VAV1: variants seen among roughly 807,000 people sequenced by gnomAD.
The protein encoded by VAV1 is proto-oncogene vav.
Under a neutral mutation model 128.1 loss-of-function variants are expected in VAV1, and 33 were observed. The ratio of observed to expected loss-of-function variants is 0.26; its 90% CI spans 0.20 to 0.34. The LOEUF (loss-of-function observed/expected upper bound fraction) is 0.34, where lower values mean the gene tolerates loss of function less well. Among genes scored for constraint, VAV1 ranks in the 10% least tolerant of loss-of-function variants. VAV1 has a pLI of 1.00. For synonymous variants in VAV1, 394 were observed against 409.8 expected, an observed-to-expected ratio of 0.96 and a Z score of 0.47; for missense variants, 715 against 1,093.7, an observed-to-expected ratio of 0.65 and a Z score of 4.88.
intron 24 of VAV1, among the ~76,000 whole-genome samples, chr19:6,851,826 G>A (rs1972679586): frequency 6.6e-6 from 1 of 152,102 alleles, no homozygotes; most frequent in Admixed American, 6.6e-5. Flanking sequence ...TGTATTTTTT[G>A]TCTTAGATTT....
intron 6 of VAV1, among the ~76,000 whole-genome samples, chr19:6,823,377 G>A (rs1050671676): frequency 6.0e-5 from 9 of 150,976 alleles, no homozygotes; most frequent in African/African-American, 2.2e-4. Flanking sequence ...TGCCCACCTC[G>A]GCCTCCAAAA....
chr19:6,800,907 G>A (rs960171589), intron 1 of VAV1, among the ~76,000 whole-genome samples: 6 of 151,978 alleles, frequency 3.9e-5, no homozygotes, highest in Admixed American at 6.6e-5. Context: ...GATTACAGGC[G>A]TGAGCCACCG....
chr19:6,808,138 C>T (rs1293662940), intron 1 of VAV1, among the ~76,000 whole-genome samples: 1 of 151,804 alleles, frequency 6.6e-6, no homozygotes, highest in East Asian at 1.9e-4. Flanking sequence ...CATGGTGAAA[C>T]CCGTCTCTAC....
chr19:6,834,591 A>G (rs1453825760), intron 19 of VAV1, among the ~76,000 whole-genome samples: 2 of 146,230 alleles, frequency 1.4e-5, no homozygotes, highest in African/African-American at 5.0e-5. Flanking sequence ...AATATATAAT[A>G]ATTTATTATT....
At chr19:6,856,581 G>A (rs957738297) in intron 26 of VAV1, among the ~76,000 whole-genome samples, 2 of 151,442 alleles carry the variant, frequency 1.3e-5, no homozygotes, top group Non-Finnish European at 2.9e-5. Flanking sequence ...AAAATTAGCC[G>A]GGTGTGGTGG....
At chr19:6,835,287 G>C (rs376862526) in intron 19 of VAV1, among the ~76,000 whole-genome samples, 29 of 151,252 alleles carry the variant, frequency 1.9e-4, no homozygotes, top group African/African-American at 6.8e-4. Context: ...TTTAAGGTAT[G>C]TAAAAATCAA....
chr19:6,823,395 G>A (rs10412674), intron 6 of VAV1, among the ~76,000 whole-genome samples: 41,656 of 150,938 alleles, frequency 0.28, 5,979 homozygotes, highest in African/African-American at 0.34. Flanking sequence ...AAAGTGCTGG[G>A]ATTGCAGGCA....
At position 6,772,736 on chromosome 19, in the gene VAV1, A is replaced by T; in HGVS notation, c.-72A>T. On this transcript the variant is annotated 5_prime_UTR_variant, in exon 1 of 27. Coordinates refer to ENST00000602142, the MANE Select transcript of VAV1 (RefSeq NM_005428.4). This position sits in a 1 kb window ranked among gnomAD's most constrained non-coding sequence, Gnocchi z 4.8. ...ACTAGCTGTCGCTCCACAGGCGAGC[A>T]GGGCAGGCGTGCGGGCGGGTGGGTG... 6.7e-7 allele frequency: 1 copy of T among 1,499,194 alleles called. No individual in the cohort carries two copies. Among genetic ancestry groups the T allele is most frequent in the South Asian group, 1.2e-5 (1 of 81,456 alleles). 92.9% of individuals were successfully genotyped at this position (1,499,194 alleles called of 1,614,324 possible).
chr19:6,836,902 T>C lies in VAV1; in HGVS notation c.1915-83T>C, dbSNP rs112645999. On this transcript the variant is annotated intron_variant, in intron 20 of 26. Coordinates refer to ENST00000602142, the MANE Select transcript of VAV1 (RefSeq NM_005428.4). ...CACGAGTGATGGGGCAGGATCCACG[T>C]GTAGGGTTATGGGTTTAGATGGCAG... The C allele has an allele frequency of 9.3e-4, 1,244 of 1,333,528 alleles. 15 individuals carry two copies. In the African/African-American group the frequency reaches 0.017, roughly 18 times the overall value. 82.6% of individuals were successfully genotyped at this position (1,333,528 alleles called of 1,614,324 possible). A position where few individuals can be genotyped will look rare whatever the true frequency, so the allele number is the denominator to read the frequency against.
intron 1 of VAV1, among the ~76,000 whole-genome samples, chr19:6,780,004 G>A (rs916718689): frequency 1.3e-5 from 2 of 148,586 alleles, no homozygotes; most frequent in African/African-American, 2.4e-5. Context: ...CCAGCTACTC[G>A]GGAGGCTGAA....
At chr19:6,821,263 T>C (rs554761489) in intron 2 of VAV1, among the ~76,000 whole-genome samples, 2 of 151,758 alleles carry the variant, frequency 1.3e-5, no homozygotes, top group African/African-American at 4.8e-5. Context: ...TAGCTGGGTG[T>C]GGTGGCCGGC....
chr19:6,780,649 G>A (rs1970750080), intron 1 of VAV1, among the ~76,000 whole-genome samples: 1 of 144,966 alleles, frequency 6.9e-6, no homozygotes. Flanking sequence ...TCAGCTCACT[G>A]GAACCTCCAC....
In VAV1 at chr19:6,848,053, G is replaced by T; in HGVS notation, c.2068G>T (p.Asp690Tyr). 6.5e-7 allele frequency: 1 copy of T among 1,542,696 alleles called. No individual in the cohort carries two copies. Among genetic ancestry groups the T allele is most frequent in the South Asian group, 1.2e-5 (1 of 81,146 alleles). The change falls in exon 23 of 27, where the codon GAC (aspartate) becomes TAC (tyrosine). Residue 690 changes from aspartate to tyrosine, a missense_variant. Coordinates refer to ENST00000602142, the MANE Select transcript of VAV1 (RefSeq NM_005428.4). ...AGAGAGCATCCTGGCCAACCGCTCGGACGGGACTTTCTTGGTGCGGCAGAG... is the reference window on the plus strand; with the variant it reads ...AGAGAGCATCCTGGCCAACCGCTCGTACGGGACTTTCTTGGTGCGGCAGAG... ...GAESILANRS[D>Y]GTFLVRQRVK...
rs895735728 is a variant in VAV1 at position 6,822,845 on chromosome 19, A to G, written c.654+331A>G. Among the ~76,000 whole-genome samples the G allele has an allele frequency of 1.4e-5, 2 of 147,486 alleles. No homozygotes were observed. Among genetic ancestry groups the G allele is most frequent in the Admixed American group, 6.8e-5 (1 of 14,698 alleles). ...ACATAAATAGAAAATATATAAATATATACAAAGTATATATAAAAATATAAA... is the reference window on the plus strand; with the variant it reads ...ACATAAATAGAAAATATATAAATATGTACAAAGTATATATAAAAATATAAA... On this transcript the variant is annotated intron_variant, in intron 6 of 26. Coordinates refer to ENST00000602142, the MANE Select transcript of VAV1 (RefSeq NM_005428.4). This position sits in a 1 kb window ranked among gnomAD's most constrained non-coding sequence, Gnocchi z 5.9.
At chr19:6,837,933 T>A (rs552440200) in intron 21 of VAV1, among the ~76,000 whole-genome samples, 31 of 152,328 alleles carry the variant, frequency 2.0e-4, no homozygotes, top group African/African-American at 6.5e-4. Context: ...TTAAATGTTG[T>A]CAATTTCCCC....
intron 1 of VAV1, among the ~76,000 whole-genome samples, chr19:6,786,890 G>A (rs530210465): frequency 2.0e-5 from 3 of 151,564 alleles, no homozygotes; most frequent in African/African-American, 4.9e-5. Context: ...TTGGTATTCC[G>A]CATATTCAGA....
chr19:6,853,182 T>A, intron 25 of VAV1, 103 bp downstream of exon 25: 1 of 899,524 alleles, frequency 1.1e-6, no homozygotes, highest in Non-Finnish European at 1.7e-6. Context: ...CTTGCAGAGG[T>A]CATATCTGTG....
chr19:6,803,634 G>A (rs1389692621), intron 1 of VAV1, among the ~76,000 whole-genome samples: 5 of 151,672 alleles, frequency 3.3e-5, no homozygotes, highest in East Asian at 1.9e-4. Flanking sequence ...GTGTGGTCTC[G>A]GCTCACTGCA....
intron 1 of VAV1, among the ~76,000 whole-genome samples, chr19:6,812,317 A>G (rs1314991210): frequency 6.6e-6 from 1 of 152,142 alleles, no homozygotes; most frequent in Admixed American, 6.6e-5. Flanking sequence ...TCTCTGAGTG[A>G]TGAGTGAAGA....
Sources: allele counts gnomAD v4.1 joint callset (sites outside exome capture counted in the v4.1 genomes callset), GRCh38; gene constraint gnomAD v4.1.1; non-coding constraint Gnocchi (gnomAD v3.1); transcripts MANE v1.5; gene names NCBI Gene and HGNC (gene_info 2026-07-23, HGNC 2026-07-21).